NAPB: variants seen among roughly 807,000 people sequenced by gnomAD.
NAPB encodes beta-soluble NSF attachment protein.
Under a neutral mutation model 44.7 loss-of-function variants are expected in NAPB, and 26 were observed. The ratio of observed to expected loss-of-function variants is 0.58; its 90% CI spans 0.43 to 0.81. The LOEUF (loss-of-function observed/expected upper bound fraction) is 0.81. NAPB is among the 30% of genes least tolerant of loss of function. The probability of loss-of-function intolerance (pLI) is 0.00; values close to 1 mark genes in which losing one functional copy is unlikely to be tolerated. For missense variants in NAPB, 315 were observed against 356.4 expected (o/e 0.88, Z 0.94); for synonymous variants, 120 against 116.8 (o/e 1.03, Z -0.18).
At chr20:23,390,669 G>A (rs1050239791) in intron 5 of NAPB, among the ~76,000 whole-genome samples, 4 of 152,216 alleles carry the variant, frequency 2.6e-5, no homozygotes, top group African/African-American at 4.8e-5. Flanking sequence ...AGTCCAGAGT[G>A]ACACTGTAAG....
intron 1 of NAPB, among the ~76,000 whole-genome samples, chr20:23,420,936 TGTTAGGGGA>T (rs1986371025): frequency 7.5e-6 from 1 of 132,924 alleles, no homozygotes; most frequent in Non-Finnish European, 1.6e-5. Flanking sequence ...TAAGGGGGCG[TGTTAGGGGA>T]TCCGGAGAGC....
chr20:23,388,999 T>C (rs1983736373), intron 7 of NAPB, among the ~76,000 whole-genome samples: 1 of 152,000 alleles, frequency 6.6e-6, no homozygotes, highest in African/African-American at 2.4e-5. Flanking sequence ...GCAAATCACA[T>C]ATCTAATAGG....
chr20:23,395,362 T>C (rs1221938144), intron 3 of NAPB, among the ~76,000 whole-genome samples, 177 bp from the exon 4 acceptor site: 1 of 152,220 alleles, frequency 6.6e-6, no homozygotes, highest in African/African-American at 2.4e-5. Context: ...TTCATCAGCA[T>C]GGCTTTGTTC....
rs187020761 is a variant in NAPB at position 23,415,961 on chromosome 20, G to C, written c.98+5344C>G. On this transcript the variant is annotated intron_variant, in intron 1 of 10. Transcript: ENST00000377026. Reference sequence around the variant, plus strand: ...AGCCTAGGCAACAGAGTGAGAGCTCGTCTCAAAAAAATAAATACATAAATA... The same window carrying C: ...AGCCTAGGCAACAGAGTGAGAGCTCCTCTCAAAAAAATAAATACATAAATA... 3.3e-5 allele frequency among the ~76,000 whole-genome samples: 5 copies of C among 152,080 alleles called. No homozygotes were observed. The East Asian group carries it at 7.7e-4, about 23-fold the overall frequency.
intron 1 of NAPB, among the ~76,000 whole-genome samples, chr20:23,419,866 CA>C (rs1986262430): frequency 6.6e-6 from 1 of 152,192 alleles, no homozygotes; most frequent in African/African-American, 2.4e-5. Flanking sequence ...ATGCGTACTG[CA>C]TGCAACTTGT....
chr20:23,391,013 C>T (rs1212631748), intron 5 of NAPB, among the ~76,000 whole-genome samples: 1 of 152,128 alleles, frequency 6.6e-6, no homozygotes, highest in Non-Finnish European at 1.5e-5. Context: ...CGTGACAACT[C>T]AGAAAAAAGA....
At position 23,377,428 on chromosome 20, in the gene NAPB, C is replaced by T. The variant is rs1163504927; in HGVS notation, c.845G>A (p.Arg282His). The T allele has an allele frequency of 5.0e-6, 8 of 1,604,908 alleles. No individual in the cohort carries two copies. The highest frequency in any genetic ancestry group is 1.7e-5 in the Admixed American group (1 of 59,544). ...LDQWLTTMLLRIKKSIQGDGE... is the reference protein window; with the variant it reads ...LDQWLTTMLLHIKKSIQGDGE... ...ATCCCCTTGGATGGACTTTTTGATG[C>T]GAAGCAACATGGTGGTCAGCCACTG... Residue 282 changes from arginine to histidine, a missense_variant, in exon 11 of 11, where the codon CGC (arginine) becomes CAC (histidine). Around this residue, in one of 3 missense-constraint regions of NAPB, gnomAD observed 120 missense variants for 130.5 expected, o/e 0.92. Transcript: ENST00000377026.
At chr20:23,378,703 A>G (rs1226052000) in intron 10 of NAPB, 1 of 151,450 alleles carries the variant, frequency 6.6e-6, no homozygotes, top group Non-Finnish European at 1.5e-5. Context: ...TGGCCTCCCA[A>G]AGTGCTAGGA....
intron 1 of NAPB, among the ~76,000 whole-genome samples, chr20:23,415,144 C>T (rs1985915643): frequency 6.6e-6 from 1 of 152,030 alleles, no homozygotes; most frequent in Non-Finnish European, 1.5e-5. Flanking sequence ...TCAACAGATA[C>T]TGTCTGAAAA....
chr20:23,401,278 A>G (rs963453603), intron 2 of NAPB, among the ~76,000 whole-genome samples: 1 of 152,192 alleles, frequency 6.6e-6, no homozygotes, highest in Non-Finnish European at 1.5e-5. Flanking sequence ...CTTCATTAAC[A>G]CATTTATGCC....
intron 2 of NAPB, among the ~76,000 whole-genome samples, chr20:23,402,353 G>T (rs1416549790): frequency 1.3e-5 from 2 of 152,136 alleles, no homozygotes; most frequent in East Asian, 1.9e-4. Context: ...AAGGGAGAGG[G>T]ATGAATTTCT....
chr20:23,407,144 G>C (rs1002822509), intron 1 of NAPB, among the ~76,000 whole-genome samples: 1 of 152,078 alleles, frequency 6.6e-6, no homozygotes, highest in African/African-American at 2.4e-5. Context: ...AATTGCCAGA[G>C]GTAGCCTCAC....
intron 10 of NAPB, chr20:23,378,976 GC>G (rs1483118822): frequency 6.9e-6 from 1 of 144,750 alleles, no homozygotes; most frequent in African/African-American, 2.6e-5. Context: ...GTGCCAGCAT[GC>G]CTGGCTAATT....
chr20:23,408,987 G>A (rs1985453580), intron 1 of NAPB, among the ~76,000 whole-genome samples: 1 of 152,200 alleles, frequency 6.6e-6, no homozygotes, highest in African/African-American at 2.4e-5. Flanking sequence ...GCATTTAAAT[G>A]TTTCACTGTT....
At chr20:23,412,254 C>G (rs1449596551) in intron 1 of NAPB, among the ~76,000 whole-genome samples, 2 of 152,170 alleles carry the variant, frequency 1.3e-5, no homozygotes, top group Admixed American at 1.3e-4. Context: ...GTGCCTTCCA[C>G]TCATACTTCA....
intron 1 of NAPB, among the ~76,000 whole-genome samples, chr20:23,416,180 A>G (rs1280246657): frequency 1.3e-5 from 2 of 152,170 alleles, no homozygotes; most frequent in Non-Finnish European, 2.9e-5. Context: ...AAACAGGCAG[A>G]CTTCCAAGGA....
chr20:23,399,208 G>A (rs73086764), intron 2 of NAPB, among the ~76,000 whole-genome samples: 280 of 152,236 alleles, frequency 1.8e-3, no homozygotes, highest in Non-Finnish European at 3.2e-3. Context: ...CCACCAGCAT[G>A]ACATGGGTAG....
chr20:23,379,304 G>T, intron 10 of NAPB, 141 bp downstream of exon 10: 1 of 602,198 alleles, frequency 1.7e-6, no homozygotes, highest in Admixed American at 3.5e-5. Flanking sequence ...ATATATAAAA[G>T]GTGACGTTTG....
At chr20:23,420,958 G>C (rs958393914) in intron 1 of NAPB, among the ~76,000 whole-genome samples, 4 of 151,664 alleles carry the variant, frequency 2.6e-5, no homozygotes, top group South Asian at 4.2e-4. Flanking sequence ...CGGAGAGCGT[G>C]TGGGGGCTGA....
Sources: gnomAD v4.1 joint callset for allele counts (sites outside exome capture counted in the v4.1 genomes callset) on GRCh38, gnomAD v4.1.1 for gene constraint, gnomAD v4.1.1 regional missense constraint, MANE v1.5 for transcripts, NCBI Gene and HGNC (gene_info 2026-07-23, HGNC 2026-07-21) for gene names.